Variants in VWC2L observed in about 807,000 individuals in gnomAD.
VWC2L encodes von Willebrand factor C domain-containing protein 2-like.
Under a neutral mutation model 21.6 loss-of-function variants are expected in VWC2L, and 10 were observed. The observed-to-expected ratio is 0.46, with a 90% CI of 0.29 to 0.78. The LOEUF (loss-of-function observed/expected upper bound fraction) is 0.78. VWC2L is among the 30% of genes least tolerant of loss of function. VWC2L has a pLI of 0.10. For missense variants in VWC2L, 209 were observed against 277.1 expected, an observed-to-expected ratio of 0.75 and a Z score of 1.74; for synonymous variants, 96 against 94.3, an observed-to-expected ratio of 1.02 and a Z score of -0.10.
At chr2:214,510,038 A>C (rs1689029572) in intron 3 of VWC2L, among the ~76,000 whole-genome samples, 1 of 152,246 alleles carries the variant, frequency 6.6e-6, no homozygotes, top group African/African-American at 2.4e-5. Context: ...CTATGGGATT[A>C]CAAAATACGT....
At chr2:214,568,625 C>A (rs1690104246) in intron 3 of VWC2L, among the ~76,000 whole-genome samples, 3 of 152,002 alleles carry the variant, frequency 2.0e-5, no homozygotes, top group Admixed American at 1.3e-4. Flanking sequence ...CCATGAGATC[C>A]CATGAGACTT....
In VWC2L at chr2:214,578,867, A is replaced by C. The variant is rs1690273670; in HGVS notation, c.*3047A>C. ...TGAAAACTAGTGAGAAAAAAAAAAA[A>C]CCTAAACACTAAACTGTAAAAAGGG... On this transcript the variant is annotated 3_prime_UTR_variant, in exon 4 of 4. Transcript: ENST00000312504. 3 of 151,992 alleles carry C rather than the reference A, an allele frequency of 2.0e-5. No individual in the cohort carries two copies. Among genetic ancestry groups the C allele is most frequent in the Admixed American group, 2.0e-4 (3 of 15,260 alleles). 9.4% of individuals were successfully genotyped at this position (151,992 alleles called of 1,614,324 possible). A position where few individuals can be genotyped will look rare whatever the true frequency, so the allele number is the denominator to read the frequency against.
intron 3 of VWC2L, among the ~76,000 whole-genome samples, chr2:214,538,583 T>G (rs1042277253): frequency 3.3e-5 from 4 of 121,996 alleles, no homozygotes; most frequent in Admixed American, 3.0e-4. Flanking sequence ...TTCTCCAAGT[T>G]TATAGTATAA....
intron 3 of VWC2L, among the ~76,000 whole-genome samples, chr2:214,466,062 T>C (rs567764895): frequency 1.3e-5 from 2 of 152,308 alleles, no homozygotes; most frequent in South Asian, 2.1e-4. Flanking sequence ...TCAGTGTCTC[T>C]TTCCTTGATA....
intron 3 of VWC2L, among the ~76,000 whole-genome samples, chr2:214,459,624 ACT>A (rs1703109573): frequency 6.6e-6 from 1 of 151,746 alleles, no homozygotes; most frequent in African/African-American, 2.4e-5. Flanking sequence ...GGACTCTAGG[ACT>A]CTCTTAAGCA....
chr2:214,568,499 G>A (rs1690102082), intron 3 of VWC2L, among the ~76,000 whole-genome samples: 1 of 152,196 alleles, frequency 6.6e-6, no homozygotes, highest in African/African-American at 2.4e-5. Flanking sequence ...TGGATTCACA[G>A]TTCCACATGG....
chr2:214,496,174 C>T (rs1368249094), intron 3 of VWC2L, among the ~76,000 whole-genome samples: 1 of 130,360 alleles, frequency 7.7e-6, no homozygotes, highest in Non-Finnish European at 1.7e-5. Context: ...CTGTAGGCAA[C>T]TGTAACACAA....
At chr2:214,516,811 T>G (rs754187252) in intron 3 of VWC2L, among the ~76,000 whole-genome samples, 6 of 152,214 alleles carry the variant, frequency 3.9e-5, no homozygotes, top group Non-Finnish European at 8.8e-5. Context: ...CTAGCAACTA[T>G]GAGCCCTGTG....
chr2:214,487,529 G>A (rs1461623642), intron 3 of VWC2L, among the ~76,000 whole-genome samples: 1 of 152,166 alleles, frequency 6.6e-6, no homozygotes, highest in African/African-American at 2.4e-5. Context: ...TGAGAAGAGT[G>A]ACACAATCCA....
At chr2:214,568,306 CT>C (rs1690099707) in intron 3 of VWC2L, among the ~76,000 whole-genome samples, 1 of 152,102 alleles carries the variant, frequency 6.6e-6, no homozygotes, top group African/African-American at 2.4e-5. Context: ...TGCATTTTGC[CT>C]GATTTACCCC....
In VWC2L at chr2:214,578,409, A is replaced by G. The variant is rs923336690; in HGVS notation, c.*2589A>G. ...AAAGCAGGCTGTTCTGTGGCCTCTG[A>G]TAACCAGCTAGAGAGAGGGATTTTT... On this transcript the variant is annotated 3_prime_UTR_variant, in exon 4 of 4. Transcript: ENST00000312504. 4 of 152,188 alleles carry G rather than the reference A, an allele frequency of 2.6e-5. No individual in the cohort carries two copies. The highest frequency in any genetic ancestry group is 9.6e-5 in the African/African-American group (4 of 41,452). 9.4% of individuals were successfully genotyped at this position (152,188 alleles called of 1,614,324 possible).
chr2:214,512,222 G>A (rs1248605561), intron 3 of VWC2L, among the ~76,000 whole-genome samples: 1 of 152,176 alleles, frequency 6.6e-6, no homozygotes, highest in Admixed American at 6.6e-5. Flanking sequence ...AAACCAGCAT[G>A]TCTTTCATTT....
chr2:214,502,849 C>T (rs778877314), intron 3 of VWC2L, among the ~76,000 whole-genome samples: 1 of 152,170 alleles, frequency 6.6e-6, no homozygotes, highest in East Asian at 1.9e-4. Flanking sequence ...CTTCCATTTT[C>T]CTGCTTCCAG....
At chr2:214,556,279 G>T (rs1574634565) in intron 3 of VWC2L, among the ~76,000 whole-genome samples, 1 of 152,004 alleles carries the variant, frequency 6.6e-6, no homozygotes, top group Non-Finnish European at 1.5e-5. Flanking sequence ...ATAAAATTTA[G>T]TTTTGGAGGT....
At chr2:214,547,691 G>A (rs1476636567) in intron 3 of VWC2L, among the ~76,000 whole-genome samples, 1 of 152,130 alleles carries the variant, frequency 6.6e-6, no homozygotes, top group Non-Finnish European at 1.5e-5. Flanking sequence ...ATAATTGAAG[G>A]GTTTTAGGTA....
intron 3 of VWC2L, among the ~76,000 whole-genome samples, chr2:214,567,768 C>T (rs915726327): frequency 1.3e-5 from 2 of 152,146 alleles, no homozygotes; most frequent in East Asian, 1.9e-4. Flanking sequence ...TCCCACCCCA[C>T]GCACTTATTA....
chr2:214,522,077 T>A (rs538567871), intron 3 of VWC2L, among the ~76,000 whole-genome samples: 55 of 152,280 alleles, frequency 3.6e-4, no homozygotes, highest in African/African-American at 1.1e-3. Context: ...ATCCTAGTCT[T>A]TTACAAATTG....
chr2:214,543,033 C>T (rs908774253), intron 3 of VWC2L, among the ~76,000 whole-genome samples: 7 of 152,180 alleles, frequency 4.6e-5, no homozygotes, highest in African/African-American at 1.7e-4. Flanking sequence ...TAGAATTACT[C>T]ACACCTCAAG....
Position 214,498,735 on chromosome 2 carries a change from C to T in VWC2L, c.520+61977C>T, listed in dbSNP as rs1470192143. ...TATATGTGTATATATTATACATATA[C>T]ATATTTTTATATGTGTATATATATT... On this transcript the variant is annotated intron_variant, in intron 3 of 3. Coordinates refer to ENST00000312504, the MANE Select transcript of VWC2L (RefSeq NM_001080500.4). Among the ~76,000 whole-genome samples, 3 of 101,080 alleles carry T rather than the reference C, an allele frequency of 3.0e-5. No homozygotes were observed. In the East Asian group the frequency reaches 8.6e-4, roughly 29 times the overall value. The allele number at this position is 101,080 out of a possible 152,430, so 66.3% of individuals were successfully genotyped here.
Sources: allele counts gnomAD v4.1 joint callset (sites outside exome capture counted in the v4.1 genomes callset), GRCh38; gene constraint gnomAD v4.1.1; transcripts MANE v1.5; gene names NCBI Gene and HGNC (gene_info 2026-07-23, HGNC 2026-07-21).